MED18: variants seen among roughly 807,000 people sequenced by gnomAD.
MED18 encodes mediator of RNA polymerase II transcription subunit 18.
In MED18, 10 loss-of-function variants were observed where a neutral mutation model predicts 13.9. The ratio of observed to expected loss-of-function variants is 0.72; its 90% confidence interval spans 0.44 to 1.22. The LOEUF is 1.22. Among genes scored for constraint, MED18 ranks in the 50% most tolerant of loss-of-function variants. The probability of loss-of-function intolerance (pLI) is 0.00; values close to 1 mark genes in which losing one functional copy is unlikely to be tolerated. For synonymous variants in MED18, 88 were observed against 93.2 expected, an observed-to-expected ratio of 0.94 and a Z score of 0.32; for missense variants, 216 against 279.0, an observed-to-expected ratio of 0.77 and a Z score of 1.61.
intron 1 of MED18, among the ~76,000 whole-genome samples, chr1:28,329,524 T>C (rs537806203): frequency 6.6e-6 from 1 of 151,938 alleles, no homozygotes; most frequent in African/African-American, 2.4e-5. Flanking sequence ...CAACCTCCAG[T>C]TGATCCGCCG....
chr1:28,334,067 A>C (rs1649839038), intron 2 of MED18, among the ~76,000 whole-genome samples: 1 of 152,158 alleles, frequency 6.6e-6, no homozygotes, highest in Non-Finnish European at 1.5e-5. Flanking sequence ...AACTCTACAA[A>C]AATAAATAAA....
chr1:28,330,036 G>A (rs1297301648), intron 1 of MED18, among the ~76,000 whole-genome samples: 1 of 151,966 alleles, frequency 6.6e-6, no homozygotes, highest in Non-Finnish European at 1.5e-5. Context: ...TTGGGAGGCC[G>A]GATCACCTGA....
chr1:28,334,897 A>C lies in MED18; in HGVS notation c.554A>C (p.Asp185Ala). Reference protein sequence around the residue: ...APAGQDMVSDDMKNFAEQLKP... With the variant: ...APAGQDMVSDAMKNFAEQLKP... Reference sequence around the variant, plus strand: ...GCTGGGCAGGACATGGTCTCTGATGACATGAAGAACTTCGCAGAACAGCTA... The same window carrying C: ...GCTGGGCAGGACATGGTCTCTGATGCCATGAAGAACTTCGCAGAACAGCTA... The change falls in exon 3 of 3, where the codon GAC (aspartate) becomes GCC (alanine). Residue 185 changes from aspartate to alanine, a missense_variant. Transcript: ENST00000373842. 1 of 1,614,192 alleles carries C rather than the reference A, an allele frequency of 6.2e-7. No homozygotes were observed. Among genetic ancestry groups the C allele is most frequent in the Non-Finnish European group, 8.5e-7 (1 of 1,180,022 alleles).
chr1:28,330,701 G>A lies in MED18; in HGVS notation c.39G>A (p.Gly13=). The A allele has an allele frequency of 6.2e-7, 1 of 1,604,216 alleles. No individual in the cohort carries two copies. The highest frequency in any genetic ancestry group is 8.5e-7 in the Non-Finnish European group (1 of 1,176,120). Residue 13 remains glycine (G), a synonymous_variant, in exon 2 of 3, where the codon GGG becomes GGA. Coordinates refer to ENST00000373842, the MANE Select transcript of MED18 (RefSeq NM_017638.3). ...CAGTCACCATGATGCCTGTCACTGG[G>A]GGCACCATTAACATGATGGAGTACC... ...APPVTMMPVT[G]GTINMMEYLL... is the part of the protein sequence containing the mutation.
chr1:28,330,773 C>G (rs375049282), intron 2 of MED18, 38 bp downstream of exon 2: 136 of 1,505,718 alleles, frequency 9.0e-5, no homozygotes, highest in Non-Finnish European at 1.2e-4. Context: ...CTGTTTTCCT[C>G]TTCTCTGTTC....
rs773529721 is a variant in MED18 at position 28,335,002 on chromosome 1, CCTTA to C, written c.*36_*39del. ...GGATCTGTCCACATTTGGGGCCTAT[CCTTA>C]CTTGTTTGAAAAAATATGTTTGCTT... On this transcript the variant is annotated 3_prime_UTR_variant, in exon 3 of 3. Coordinates refer to ENST00000373842, the MANE Select transcript of MED18 (RefSeq NM_017638.3). 2.2e-5 allele frequency: 34 copies of C among 1,530,464 alleles called. No individual in the cohort carries two copies. Among genetic ancestry groups the C allele is most frequent in the Non-Finnish European group, 2.9e-5 (33 of 1,130,376 alleles). 94.8% of individuals were successfully genotyped at this position (1,530,464 alleles called of 1,614,324 possible). A position where few individuals can be genotyped will look rare whatever the true frequency, so the allele number is the denominator to read the frequency against.
intron 2 of MED18, among the ~76,000 whole-genome samples, 173 bp from the exon 3 acceptor site, chr1:28,334,244 C>T (rs1018196919): frequency 2.6e-5 from 4 of 152,122 alleles, no homozygotes; most frequent in South Asian, 2.1e-4. Flanking sequence ...TTTCTCACAA[C>T]GTTATACAAT....
Position 28,334,795 on chromosome 1 carries a change from T to C in MED18, c.452T>C (p.Ile151Thr). 1 of 1,614,176 alleles carries C rather than the reference T, an allele frequency of 6.2e-7. No individual in the cohort carries two copies. The highest frequency in any genetic ancestry group is 8.5e-7 in the Non-Finnish European group (1 of 1,180,028). The change falls in exon 3 of 3, where the codon ATC (isoleucine) becomes ACC (threonine). Residue 151 changes from isoleucine (I) to threonine (T), a missense_variant. Coordinates refer to ENST00000373842, the MANE Select transcript of MED18 (RefSeq NM_017638.3). ...ATTATGGTGTACAAGATTTTCCGCA[T>C]CCTGGTGCCAGGGAACACAGACAGC... ...MKIMVYKIFR[I>T]LVPGNTDSTE...
At chr1:28,332,257 A>G (rs1649764421) in intron 2 of MED18, among the ~76,000 whole-genome samples, 1 of 152,062 alleles carries the variant, frequency 6.6e-6, no homozygotes, top group Non-Finnish European at 1.5e-5. Flanking sequence ...TACTAAAAAA[A>G]AAAATTAGCT....
At position 28,334,419 on chromosome 1, in the gene MED18, A is replaced by C; in HGVS notation, c.76A>C (p.Ser26Arg). ...AGTGGTGCTTTTTCCGTTTTCAGGA[A>C]GTGTTTTAGATCACAGTTTGGAAAG... is the stretch of plus-strand genomic sequence containing the variant. ...INMMEYLLQG[S>R]VLDHSLESLI... The change falls in exon 3 of 3, where the codon AGT (serine) becomes CGT (arginine). Residue 26 changes from serine (S) to arginine (R), a missense_variant and splice_region_variant. Ser to Arg is a moderately radical substitution (Grantham distance 110). Transcript: ENST00000373842. The C allele has an allele frequency of 6.2e-7, 1 of 1,609,052 alleles. No individual in the cohort carries two copies.
rs1355000487 is a variant in MED18, at chr1:28,329,152, T to C, written c.-95T>C. Reference sequence around the variant, plus strand: ...GCGCGGGTGGATATAATTCCCGGCTTCTCGAGAAGACACTACAGCCTCAAG... The same window carrying C: ...GCGCGGGTGGATATAATTCCCGGCTCCTCGAGAAGACACTACAGCCTCAAG... On this transcript the variant is annotated 5_prime_UTR_variant, in exon 1 of 3. Transcript: ENST00000373842. 1 of 152,196 alleles carries C rather than the reference T, an allele frequency of 6.6e-6. No individual in the cohort carries two copies. The highest frequency in any genetic ancestry group is 1.5e-5 in the Non-Finnish European group (1 of 68,044). The allele number at this position is 152,196 out of a possible 1,614,324, so 9.4% of individuals were successfully genotyped here. A position where few individuals can be genotyped will look rare whatever the true frequency, so the allele number is the denominator to read the frequency against.
At position 28,334,937 on chromosome 1, in the gene MED18, C is replaced by T; in HGVS notation, c.594C>T (p.His198=). 6.2e-7 allele frequency: 1 copy of T among 1,614,068 alleles called. No individual in the cohort carries two copies. Among genetic ancestry groups the T allele is most frequent in the Non-Finnish European group, 8.5e-7 (1 of 1,179,970 alleles). The change falls in exon 3 of 3, where the codon CAC becomes CAT. Residue 198 remains histidine (H), a synonymous_variant. Coordinates refer to ENST00000373842, the MANE Select transcript of MED18 (RefSeq NM_017638.3). The part of the protein sequence containing the change: ...NFAEQLKPLV[H]LEKIDPKRLM ...CAGAACAGCTAAAACCTCTGGTTCA[C>T]CTAGAGAAAATAGACCCCAAGAGGC... is the stretch of plus-strand genomic sequence containing the variant.
At chr1:28,329,956 A>G (rs1203992349) in intron 1 of MED18, among the ~76,000 whole-genome samples, 1 of 152,120 alleles carries the variant, frequency 6.6e-6, no homozygotes, top group Non-Finnish European at 1.5e-5. Flanking sequence ...TTTGAGCCAC[A>G]TAGCCTTGGG....
chr1:28,331,079 A>G (rs926528998), intron 2 of MED18, among the ~76,000 whole-genome samples: 1 of 151,728 alleles, frequency 6.6e-6, no homozygotes, highest in Admixed American at 6.6e-5. Flanking sequence ...CTGTAGTCCC[A>G]GCTACTCAGG....
chr1:28,335,264 A>T lies in MED18; in HGVS notation c.*294A>T. The T allele has an allele frequency of 3.7e-6, 1 of 271,204 alleles. No individual in the cohort carries two copies. Among genetic ancestry groups the T allele is most frequent in the Non-Finnish European group, 7.1e-6 (1 of 141,766 alleles). 16.8% of individuals were successfully genotyped at this position (271,204 alleles called of 1,614,324 possible). ...ACCATGTTGGTCAGGCTATTCTCGA[A>T]CTCCTGACCTCGTGATCCACCCACC... On this transcript the variant is annotated 3_prime_UTR_variant, in exon 3 of 3. Coordinates refer to ENST00000373842, the MANE Select transcript of MED18 (RefSeq NM_017638.3).
chr1:28,329,577 C>T (rs1163223068), intron 1 of MED18, among the ~76,000 whole-genome samples: 6 of 151,968 alleles, frequency 3.9e-5, no homozygotes, highest in Non-Finnish European at 8.8e-5. Context: ...CGTGAGCCAC[C>T]GCGCCCGGCC....
At chr1:28,331,422 G>A (rs747380222) in intron 2 of MED18, among the ~76,000 whole-genome samples, 4 of 151,644 alleles carry the variant, frequency 2.6e-5, no homozygotes, top group African/African-American at 9.7e-5. Context: ...TCTACTTCCC[G>A]GGTTCGAGGG....
chr1:28,330,431 C>G (rs185182497), intron 1 of MED18, 166 bp from the exon 2 acceptor site: 47 of 386,012 alleles, frequency 1.2e-4, no homozygotes, highest in Middle Eastern at 1.5e-3. Context: ...ACTCCATGAC[C>G]AGATCTCCTT....
At chr1:28,333,127 T>C (rs1649798149) in intron 2 of MED18, among the ~76,000 whole-genome samples, 1 of 152,182 alleles carries the variant, frequency 6.6e-6, no homozygotes, top group African/African-American at 2.4e-5. Context: ...AACAGTTTGA[T>C]ATTGAACATG....
Sources: allele counts gnomAD v4.1 joint callset (sites outside exome capture counted in the v4.1 genomes callset), GRCh38; gene constraint gnomAD v4.1.1; transcripts MANE v1.5; gene names NCBI Gene and HGNC (gene_info 2026-07-23, HGNC 2026-07-21).